The following CUX1 variants were observed in gnomAD, a reference collection of about 807,000 sequenced individuals.
CUX1 encodes the protein protein CASP.
In CUX1, 31 loss-of-function variants were observed where a neutral mutation model predicts 158.8. That is an observed-to-expected ratio of 0.20 (90% confidence interval 0.15 to 0.26). The LOEUF (loss-of-function observed/expected upper bound fraction) is 0.26, where lower values mean the gene tolerates loss of function less well. CUX1 is among the 10% of genes least tolerant of loss of function. CUX1 has a pLI of 1.00. For synonymous variants in CUX1, 879 were observed against 862.1 expected, an observed-to-expected ratio of 1.02 and a Z score of -0.34; for missense variants, 1,589 against 2,014.6, an observed-to-expected ratio of 0.79 and a Z score of 4.04.
intron 8 of CUX1, among the ~76,000 whole-genome samples, chr7:102,119,232 G>A (rs1831774203): frequency 6.6e-6 from 1 of 152,090 alleles, no homozygotes; most frequent in African/African-American, 2.4e-5. Flanking sequence ...TCACCACGAC[G>A]GACTGGGCCC....
rs112895925 is a variant in CUX1 at position 101,966,999 on chromosome 7, T to TTTTTA, written c.141+50799_141+50803dup. Reference sequence around the variant, plus strand: ...CTTTGCAGAGGGATCATTTGGAATTTTTTTATTTTATTTTATTTTATTTTA... The same window carrying TTTTTA: ...CTTTGCAGAGGGATCATTTGGAATTTTTTTATTTTATTTTATTTTATTTTATTTTA... On this transcript the variant is annotated intron_variant, in intron 2 of 23. Coordinates refer to ENST00000292535, the MANE Select transcript of CUX1 (RefSeq NM_181552.4). Among the ~76,000 whole-genome samples, 15 of 152,150 alleles carry TTTTTA rather than the reference T, an allele frequency of 9.9e-5. 1 individual carries two copies. Among genetic ancestry groups the TTTTTA allele is most frequent in the African/African-American group, 2.2e-4 (9 of 41,508 alleles).
chr7:101,816,133 G>C (rs747374717), upstream of CUX1: 1 of 1,226,782 alleles, frequency 8.2e-7, no homozygotes. Flanking sequence ...CCGGGGGTGG[G>C]GGCTGCGGGC....
At chr7:102,262,417 T>TGGATGGATGGAC (rs1172209866), downstream of CUX1, among the ~76,000 whole-genome samples, 252 of 151,606 alleles carry the variant, frequency 1.7e-3, 3 homozygotes, top group African/African-American at 5.9e-3. Flanking sequence ...GATGGATGGA[T>TGGATGGATGGAC]GGATGGATGG....
intron 3 of CUX1, among the ~76,000 whole-genome samples, chr7:102,063,383 CTTTTTT>C (rs11368644): frequency 1.6e-4 from 14 of 89,272 alleles, no homozygotes; most frequent in African/African-American, 3.4e-4. Flanking sequence ...ATTTCCTTTT[CTTTTTT>C]TTTTTTTTTT....
At chr7:102,282,881 A>C in intron 22 of CUX1, 19 of 738,432 alleles carry the variant, frequency 2.6e-5, no homozygotes, top group African/African-American at 4.6e-5. Context: ...TTAGCCCTCC[A>C]TCACAGCCCC....
At chr7:101,836,299 C>T (rs1453788894) in intron 1 of CUX1, among the ~76,000 whole-genome samples, 1 of 152,090 alleles carries the variant, frequency 6.6e-6, no homozygotes, top group Non-Finnish European at 1.5e-5. Flanking sequence ...GGTGCAGGTG[C>T]TCCCCTGCGA....
intron 2 of CUX1, among the ~76,000 whole-genome samples, chr7:101,922,893 C>T (rs528460050): frequency 7.2e-5 from 11 of 152,256 alleles, no homozygotes; most frequent in Non-Finnish European, 1.2e-4. Flanking sequence ...CAGCAGCTAT[C>T]TGGAAGCCTG....
At chr7:102,128,591 G>A (rs963164904) in intron 8 of CUX1, among the ~76,000 whole-genome samples, 9 of 151,432 alleles carry the variant, frequency 5.9e-5, no homozygotes, top group Non-Finnish European at 8.8e-5. Context: ...AACCTGGGTC[G>A]CAACATCGTA....
intron 1 of CUX1, among the ~76,000 whole-genome samples, chr7:101,871,933 G>A (rs1200226904): frequency 2.6e-5 from 4 of 151,384 alleles, no homozygotes; most frequent in Non-Finnish European, 2.9e-5. Context: ...CAGGAGAATC[G>A]CTTGAACCCC....
intron 1 of CUX1, among the ~76,000 whole-genome samples, chr7:101,858,220 C>T (rs1183274498): frequency 6.6e-6 from 1 of 152,166 alleles, no homozygotes; most frequent in African/African-American, 2.4e-5. Flanking sequence ...ATGTAGATTC[C>T]TTAAGAATAA....
chr7:101,838,032 T>C (rs1257825381), intron 1 of CUX1, among the ~76,000 whole-genome samples: 3 of 152,014 alleles, frequency 2.0e-5, no homozygotes. Flanking sequence ...TGCAAACTTG[T>C]AAAATATGTG....
intron 1 of CUX1, among the ~76,000 whole-genome samples, chr7:101,848,132 C>G (rs1795900166): frequency 6.6e-6 from 1 of 151,468 alleles, no homozygotes; most frequent in Admixed American, 6.6e-5. Context: ...ATAATCTGGC[C>G]TTAGGGGCTA....
chr7:102,109,718 T>C (rs181782456), intron 6 of CUX1, among the ~76,000 whole-genome samples: 11 of 151,484 alleles, frequency 7.3e-5, no homozygotes, highest in African/African-American at 2.4e-4. Context: ...CTGGAGCAGA[T>C]GTTGCAGTCA....
chr7:102,146,511 G>C (rs1305898594), intron 8 of CUX1, among the ~76,000 whole-genome samples: 1 of 152,216 alleles, frequency 6.6e-6, no homozygotes, highest in Non-Finnish European at 1.5e-5. Flanking sequence ...AACTTGTGGG[G>C]CAGGAAGGGA....
At chr7:102,194,229 CA>C (rs1794566176) in intron 13 of CUX1, 1 of 286,940 alleles carries the variant, frequency 3.5e-6, no homozygotes, top group African/African-American at 2.2e-5. Context: ...TAGTGTTTTC[CA>C]AACTGGTAAC....
At chr7:102,100,815 A>C (rs1829692611) in intron 5 of CUX1, among the ~76,000 whole-genome samples, 2 of 152,140 alleles carry the variant, frequency 1.3e-5, no homozygotes, top group Non-Finnish European at 2.9e-5. Flanking sequence ...AAAAGAAAAA[A>C]AAAAAGATGG....
At chr7:102,154,666 A>C (rs1554504599) in intron 8 of CUX1, among the ~76,000 whole-genome samples, 1 of 152,142 alleles carries the variant, frequency 6.6e-6, no homozygotes, top group African/African-American at 2.4e-5. Flanking sequence ...GTTAACCTTG[A>C]TCCAGAAGGC....
rs181138194 is a variant in CUX1, at chr7:102,243,990, G to A, written c.3887+4406G>A. ...TGCAGTGAGCCGAGATCACGCCATT[G>A]CACTCCAGCCTGGGCAACAGAGCAA... On this transcript the variant is annotated intron_variant, in intron 23 of 23. Transcript: ENST00000292535. 5.9e-4 allele frequency among the ~76,000 whole-genome samples: 89 copies of A among 152,122 alleles called. 1 individual carries two copies. In the East Asian group the frequency reaches 0.015, roughly 25 times the overall value.
chr7:101,824,206 G>GC (rs914308396), intron 1 of CUX1, among the ~76,000 whole-genome samples: 40 of 152,210 alleles, frequency 2.6e-4, no homozygotes, highest in Middle Eastern at 3.4e-3. Context: ...TCGTGCCTCA[G>GC]CCCCCCCGAG....
Sources: allele counts gnomAD v4.1 joint callset (sites outside exome capture counted in the v4.1 genomes callset), GRCh38; gene constraint gnomAD v4.1.1; transcripts MANE v1.5; gene names NCBI Gene and HGNC (gene_info 2026-07-23, HGNC 2026-07-21).